The following CA8 variants were observed in gnomAD, a reference collection of about 807,000 sequenced individuals.
CA8 encodes carbonic anhydrase 8 (inactive).
CA8 carries 22 observed loss-of-function variants against 41.4 expected under a neutral mutation model. The observed-to-expected ratio is 0.53, with a 90% CI of 0.38 to 0.76. The LOEUF (loss-of-function observed/expected upper bound fraction) is 0.76, where lower values mean the gene tolerates loss of function less well. Ranked by LOEUF, CA8 falls within the 30% of genes least tolerant of loss-of-function variation. The pLI, the probability that CA8 is intolerant of heterozygous loss-of-function variation, is 0.00. For missense variants in CA8, 270 were observed against 352.8 expected, an observed-to-expected ratio of 0.77 and a Z score of 1.88; for synonymous variants, 121 against 130.6, an observed-to-expected ratio of 0.93 and a Z score of 0.50.
At position 60,185,959 on chromosome 8, in the gene CA8, T is replaced by C. The variant is rs139733437; in HGVS notation, c.*4062A>G. ...AATTGTATAAAATATCATGTAATTATGCTTTAGACCCAGAACATATACAAA... is the reference window on the plus strand; with the variant it reads ...AATTGTATAAAATATCATGTAATTACGCTTTAGACCCAGAACATATACAAA... On this transcript the variant is annotated 3_prime_UTR_variant, in exon 9 of 9. Coordinates refer to ENST00000317995, the MANE Select transcript of CA8 (RefSeq NM_004056.6). 5.9e-3 allele frequency among the ~76,000 whole-genome samples: 896 copies of C among 152,204 alleles called. 3 individuals carry two copies. The highest frequency in any genetic ancestry group is 0.032 in the South Asian group (152 of 4,820).
chr8:60,220,347 A>G (rs1313992691), intron 7 of CA8, among the ~76,000 whole-genome samples: 4 of 152,174 alleles, frequency 2.6e-5, no homozygotes, highest in Non-Finnish European at 5.9e-5. Context: ...ACCAGAATCA[A>G]GCAGTGAGCA....
intron 3 of CA8, among the ~76,000 whole-genome samples, chr8:60,247,941 G>A (rs1202259783): frequency 6.6e-6 from 1 of 152,094 alleles, no homozygotes; most frequent in East Asian, 1.9e-4. Context: ...TTTAATAATT[G>A]TCATTCTGAC....
intron 2 of CA8, among the ~76,000 whole-genome samples, chr8:60,273,711 C>A (rs59550103): frequency 0.23 from 34,251 of 152,164 alleles, 4,715 homozygotes; most frequent in East Asian, 0.38. Flanking sequence ...GAGAAAACTT[C>A]CAAAAATTCC....
intron 7 of CA8, among the ~76,000 whole-genome samples, chr8:60,221,544 T>G (rs993213940): frequency 6.6e-6 from 1 of 152,202 alleles, no homozygotes; most frequent in Non-Finnish European, 1.5e-5. Context: ...CCTCCACAGT[T>G]GTTTTTCTCA....
rs62951562 is a variant in CA8 at position 60,266,128 on chromosome 8, T to C, written c.293-79A>G. ...ATAAACATTAGAGACTTTTTTTTTT[T>C]CCACCAAAATGCTCTCATGGGCTCT... On this transcript the variant is annotated intron_variant, in intron 2 of 8. Transcript: ENST00000317995. 1.5e-4 allele frequency: 166 copies of C among 1,088,192 alleles called. 2 individuals are homozygous for C. Among genetic ancestry groups the C allele is most frequent in the South Asian group, 7.7e-4 (53 of 68,430 alleles). 67.4% of individuals were successfully genotyped at this position (1,088,192 alleles called of 1,614,324 possible).
chr8:60,242,781 G>A (rs1356067130), intron 3 of CA8, among the ~76,000 whole-genome samples: 1 of 152,232 alleles, frequency 6.6e-6, no homozygotes, highest in Admixed American at 6.5e-5. Flanking sequence ...GCAAGTGCTG[G>A]CTAGAGCAGA....
At chr8:60,212,932 A>G (rs1440853949) in intron 7 of CA8, among the ~76,000 whole-genome samples, 3 of 152,254 alleles carry the variant, frequency 2.0e-5, no homozygotes, top group Admixed American at 6.5e-5. Flanking sequence ...ATCAATAACA[A>G]GAGTCAGAAT....
chr8:60,271,033 A>T (rs183869602), intron 2 of CA8, among the ~76,000 whole-genome samples: 3 of 152,338 alleles, frequency 2.0e-5, no homozygotes, highest in African/African-American at 4.8e-5. Flanking sequence ...CACCAAAATT[A>T]GCCAATAATA....
At chr8:60,198,442 C>T (rs1405560422) in intron 8 of CA8, among the ~76,000 whole-genome samples, 2 of 152,108 alleles carry the variant, frequency 1.3e-5, no homozygotes, top group Non-Finnish European at 2.9e-5. Flanking sequence ...TATTATAAAA[C>T]GCTAAACTTA....
rs1486441301 is a variant in CA8, at chr8:60,281,235, T to TG, written c.-89dup. On this transcript the variant is annotated 5_prime_UTR_variant, in exon 1 of 9. Coordinates refer to ENST00000317995, the MANE Select transcript of CA8 (RefSeq NM_004056.6). ...GGCTGGAGCCGGAGCGGAGCGCGCGTGGGGGAGTGTGAGCACGCGTGAGCG... is the reference window on the plus strand; with the variant it reads ...GGCTGGAGCCGGAGCGGAGCGCGCGTGGGGGGAGTGTGAGCACGCGTGAGCG... The TG allele has an allele frequency of 2.2e-6, 2 of 922,350 alleles. No homozygotes were observed. The highest frequency in any genetic ancestry group is 1.7e-6 in the Non-Finnish European group (1 of 590,178). 57.1% of individuals were successfully genotyped at this position (922,350 alleles called of 1,614,324 possible). A position where few individuals can be genotyped will look rare whatever the true frequency, so the allele number is the denominator to read the frequency against.
intron 8 of CA8, among the ~76,000 whole-genome samples, chr8:60,196,733 C>G (rs1806292177): frequency 6.6e-6 from 1 of 151,862 alleles, no homozygotes; most frequent in African/African-American, 2.4e-5. Context: ...TTCTTTTGCT[C>G]TTTATTTCTA....
chr8:60,211,493 T>C lies in CA8; in HGVS notation c.739-2574A>G, dbSNP rs571273529. Among the ~76,000 whole-genome samples, 18 of 152,344 alleles carry C rather than the reference T, an allele frequency of 1.2e-4. No individual in the cohort carries two copies. In the East Asian group the frequency reaches 2.9e-3, roughly 24 times the overall value. On this transcript the variant is annotated intron_variant, in intron 7 of 8. Coordinates refer to ENST00000317995, the MANE Select transcript of CA8 (RefSeq NM_004056.6). Reference sequence around the variant, plus strand: ...CTGGGAACTTTACTGCCTCAACATATGAAAGAATCCATTTTTTATTGACTT... The same window carrying C: ...CTGGGAACTTTACTGCCTCAACATACGAAAGAATCCATTTTTTATTGACTT...
Position 60,279,648 on chromosome 8 carries a change from T to C in CA8, c.292+41A>G, listed in dbSNP as rs1804344862. The C allele has an allele frequency of 2.6e-6, 4 of 1,541,536 alleles. No individual in the cohort carries two copies. In the African/African-American group the frequency reaches 4.1e-5, roughly 16 times the overall value. ...CACAGTTCAATAACTCTACGCTGAC[T>C]TCTAGTTTAAAAGACCACACAAACA... On this transcript the variant is annotated intron_variant, in intron 2 of 8. Coordinates refer to ENST00000317995, the MANE Select transcript of CA8 (RefSeq NM_004056.6).
At chr8:60,193,353 C>T (rs1806189766) in intron 8 of CA8, among the ~76,000 whole-genome samples, 1 of 152,156 alleles carries the variant, frequency 6.6e-6, no homozygotes, top group Non-Finnish European at 1.5e-5. Flanking sequence ...CCTGGTTTGC[C>T]TATGATCTCA....
intron 8 of CA8, among the ~76,000 whole-genome samples, chr8:60,193,710 G>T (rs191867718): frequency 4.7e-4 from 71 of 152,198 alleles, no homozygotes; most frequent in Admixed American, 1.4e-3. Context: ...TTTGGTTTTT[G>T]CCATTCTGGA....
At chr8:60,266,202 G>A (rs1195324399) in intron 2 of CA8, among the ~76,000 whole-genome samples, 153 bp from the exon 3 acceptor site, 1 of 152,126 alleles carries the variant, frequency 6.6e-6, no homozygotes, top group African/African-American at 2.4e-5. Context: ...ACAACTGTGA[G>A]GTGAATTTAA....
At chr8:60,198,510 A>C (rs1237752697) in intron 8 of CA8, among the ~76,000 whole-genome samples, 1 of 152,152 alleles carries the variant, frequency 6.6e-6, no homozygotes, top group Non-Finnish European at 1.5e-5. Context: ...TCTCCATCTC[A>C]ATTAGCACCA....
Position 60,281,384 on chromosome 8 carries a change from G to C in CA8, c.-237C>G. ...GCGTCCGGAGGCCCCAGCAGAGCGAGGGAGCGGCTGTGGCCTGGGGAGCGA... is the reference window on the plus strand; with the variant it reads ...GCGTCCGGAGGCCCCAGCAGAGCGACGGAGCGGCTGTGGCCTGGGGAGCGA... On this transcript the variant is annotated 5_prime_UTR_variant, in exon 1 of 9. Coordinates refer to ENST00000317995, the MANE Select transcript of CA8 (RefSeq NM_004056.6). 1 of 546,914 alleles carries C rather than the reference G, an allele frequency of 1.8e-6. No homozygotes were observed. Among genetic ancestry groups the C allele is most frequent in the Non-Finnish European group, 3.3e-6 (1 of 306,282 alleles). The allele number at this position is 546,914 out of a possible 1,614,324, so 33.9% of individuals were successfully genotyped here. A position where few individuals can be genotyped will look rare whatever the true frequency, so the allele number is the denominator to read the frequency against.
chr8:60,233,198 T>C (rs1053967766), intron 3 of CA8, among the ~76,000 whole-genome samples: 7 of 152,260 alleles, frequency 4.6e-5, no homozygotes, highest in African/African-American at 1.4e-4. Flanking sequence ...TTCATCACTA[T>C]AGCTTTTCAT....
Sources: gnomAD v4.1 joint callset for allele counts (sites outside exome capture counted in the v4.1 genomes callset) on GRCh38, gnomAD v4.1.1 for gene constraint, MANE v1.5 for transcripts, NCBI Gene and HGNC (gene_info 2026-07-23, HGNC 2026-07-21) for gene names.